Variants in NUBPL observed in about 807,000 individuals in gnomAD.
The protein encoded by NUBPL is iron-sulfur cluster transfer protein NUBPL.
A neutral mutation model predicts 45.7 loss-of-function variants in NUBPL; 31 were observed. That is an observed-to-expected ratio of 0.68 (90% CI 0.51 to 0.92). The LOEUF (loss-of-function observed/expected upper bound fraction) is 0.92. Ranked by LOEUF, NUBPL falls within the 40% of genes least tolerant of loss-of-function variation. NUBPL has a pLI of 0.00. For synonymous variants in NUBPL, 144 were observed against 140.9 expected, an observed-to-expected ratio of 1.02 and a Z score of -0.15; for missense variants, 401 against 398.7, an observed-to-expected ratio of 1.01 and a Z score of -0.05.
At chr14:31,640,099 C>T (rs538956788) in intron 4 of NUBPL, among the ~76,000 whole-genome samples, 113 of 152,256 alleles carry the variant, frequency 7.4e-4, no homozygotes, top group African/African-American at 2.3e-3. Flanking sequence ...CACTCTCCTG[C>T]GCCCACTGTC....
intron 8 of NUBPL, among the ~76,000 whole-genome samples, chr14:31,840,129 G>T (rs1181935334): frequency 6.6e-6 from 1 of 152,160 alleles, no homozygotes; most frequent in Non-Finnish European, 1.5e-5. Flanking sequence ...ACCGAAATCA[G>T]TTTACGAAAG....
chr14:31,841,505 G>A (rs182756442), intron 8 of NUBPL, among the ~76,000 whole-genome samples: 1 of 152,078 alleles, frequency 6.6e-6, no homozygotes, highest in African/African-American at 2.4e-5. Flanking sequence ...GTTTGCAGGA[G>A]TTCTTTATAC....
In NUBPL at chr14:31,841,924, T is replaced by TTTGTTTTTG. The variant is rs1566593583; in HGVS notation, c.694-4545_694-4544insGTTTTTGTT. Among the ~76,000 whole-genome samples, 37 of 113,510 alleles carry TTTGTTTTTG rather than the reference T, an allele frequency of 3.3e-4. 1 individual carries two copies. Among genetic ancestry groups the TTTGTTTTTG allele is most frequent in the Non-Finnish European group, 6.3e-4 (35 of 55,164 alleles). 74.5% of individuals were successfully genotyped at this position (113,510 alleles called of 152,430 possible). A position where few individuals can be genotyped will look rare whatever the true frequency, so the allele number is the denominator to read the frequency against. On this transcript the variant is annotated intron_variant, in intron 8 of 10. Coordinates refer to ENST00000281081, the MANE Select transcript of NUBPL (RefSeq NM_025152.3). ...GTATGGGTCGATTCTGGGCTTTTTTTTTTTTTTTTTTTTTTTTTTTTTTTG... is the reference window on the plus strand; with the variant it reads ...GTATGGGTCGATTCTGGGCTTTTTTTTTGTTTTTGTTTTTTTTTTTTTTTTTTTTTTTTG...
intron 8 of NUBPL, chr14:31,846,236 T>A (rs2138992266): frequency 2.2e-6 from 1 of 464,620 alleles, no homozygotes; most frequent in Non-Finnish European, 3.9e-6. Context: ...GAATTTTTGG[T>A]TCCTGTTCAT....
intron 6 of NUBPL, among the ~76,000 whole-genome samples, chr14:31,772,334 G>A (rs2039023224): frequency 6.6e-6 from 1 of 152,100 alleles, no homozygotes. Context: ...TTCTTAAGCA[G>A]GTTTGTAATA....
intron 3 of NUBPL, among the ~76,000 whole-genome samples, chr14:31,596,723 T>C (rs2034294066): frequency 6.6e-6 from 1 of 152,250 alleles, no homozygotes; most frequent in Non-Finnish European, 1.5e-5. Flanking sequence ...CATTTTCATG[T>C]TTAATTTCCC....
At chr14:31,773,203 T>C (rs2039040543) in intron 6 of NUBPL, among the ~76,000 whole-genome samples, 1 of 152,170 alleles carries the variant, frequency 6.6e-6, no homozygotes, top group African/African-American at 2.4e-5. Flanking sequence ...GTTGCATGAT[T>C]TTACATATAG....
At chr14:31,593,471 G>T (rs953546101) in intron 3 of NUBPL, among the ~76,000 whole-genome samples, 1 of 130,204 alleles carries the variant, frequency 7.7e-6, no homozygotes, top group African/African-American at 2.8e-5. Flanking sequence ...CTGAGATTGC[G>T]CCACTGCACT....
At chr14:31,637,339 G>A (rs1210547781) in intron 4 of NUBPL, among the ~76,000 whole-genome samples, 2 of 152,036 alleles carry the variant, frequency 1.3e-5, no homozygotes, top group South Asian at 2.1e-4. Flanking sequence ...CCTTCATTTC[G>A]TTATGCACCC....
chr14:31,729,278 C>CG, intron 6 of NUBPL, among the ~76,000 whole-genome samples: 1 of 81,632 alleles, frequency 1.2e-5, no homozygotes, highest in South Asian at 6.0e-4. Flanking sequence ...TGCTCCATCC[C>CG]CCCCCCCCCC....
intron 6 of NUBPL, among the ~76,000 whole-genome samples, chr14:31,764,160 A>G (rs1230556405): frequency 6.6e-6 from 1 of 152,174 alleles, no homozygotes; most frequent in African/African-American, 2.4e-5. Context: ...TCTGTTATGT[A>G]TGTGCCACTG....
chr14:31,709,825 G>A lies in NUBPL; in HGVS notation c.513+36251G>A, dbSNP rs148149130. Among the ~76,000 whole-genome samples, 15 of 152,226 alleles carry A rather than the reference G, an allele frequency of 9.9e-5. No homozygotes were observed. In the East Asian group the frequency reaches 2.1e-3, roughly 22 times the overall value. On this transcript the variant is annotated intron_variant, in intron 6 of 10. Transcript: ENST00000281081. ...TTTGTTGTCCTTTGGAGATTTCTTC[G>A]CATATTTCCTTCTGGGCAGGGGAGA...
At chr14:31,621,487 G>C (rs1199557722) in intron 4 of NUBPL, among the ~76,000 whole-genome samples, 1 of 152,174 alleles carries the variant, frequency 6.6e-6, no homozygotes, top group African/African-American at 2.4e-5. Flanking sequence ...ATTTGGGCTG[G>C]AGTGCACAGT....
At chr14:31,790,464 G>C (rs1047786441) in intron 7 of NUBPL, among the ~76,000 whole-genome samples, 1 of 152,070 alleles carries the variant, frequency 6.6e-6, no homozygotes, top group African/African-American at 2.4e-5. Context: ...CAGTTAAGTA[G>C]TACTAATAAT....
intron 6 of NUBPL, among the ~76,000 whole-genome samples, chr14:31,726,965 C>G (rs1431823645): frequency 6.6e-6 from 1 of 152,052 alleles, no homozygotes; most frequent in African/African-American, 2.4e-5. Flanking sequence ...GCAACCCCCA[C>G]CCCCACTTAA....
intron 6 of NUBPL, among the ~76,000 whole-genome samples, chr14:31,739,003 G>A (rs909395024): frequency 5.3e-5 from 8 of 150,680 alleles, no homozygotes; most frequent in Non-Finnish European, 1.0e-4. Context: ...AGAGTGTAGA[G>A]TTTTTTATTT....
intron 7 of NUBPL, among the ~76,000 whole-genome samples, chr14:31,802,442 A>AT (rs1289989876): frequency 1.3e-5 from 2 of 151,794 alleles, no homozygotes; most frequent in African/African-American, 2.4e-5. Context: ...TGCCTGGCTA[A>AT]TTTTTTTGTA....
At chr14:31,694,457 T>C (rs1415789847) in intron 6 of NUBPL, among the ~76,000 whole-genome samples, 1 of 152,246 alleles carries the variant, frequency 6.6e-6, no homozygotes, top group Non-Finnish European at 1.5e-5. Context: ...CAGATACTTA[T>C]TGCTGTACTT....
At chr14:31,651,499 T>G (rs2139740067) in intron 4 of NUBPL, among the ~76,000 whole-genome samples, 1 of 152,346 alleles carries the variant, frequency 6.6e-6, no homozygotes, top group Non-Finnish European at 1.5e-5. Context: ...TTCTTTCTTT[T>G]GTAACCTATG....
Sources: gnomAD v4.1 joint callset for allele counts (sites outside exome capture counted in the v4.1 genomes callset) on GRCh38, gnomAD v4.1.1 for gene constraint, MANE v1.5 for transcripts, NCBI Gene and HGNC (gene_info 2026-07-23, HGNC 2026-07-21) for gene names.